The following BCL2 variants were observed in gnomAD, a reference collection of about 807,000 sequenced individuals.
The protein encoded by BCL2 is apoptosis regulator Bcl-2.
Under a neutral mutation model 14.2 loss-of-function variants are expected in BCL2, and 1 was observed. The ratio of observed to expected loss-of-function variants is 0.07; its 90% CI spans 0.02 to 0.33. The LOEUF (loss-of-function observed/expected upper bound fraction) is 0.33. Among genes scored for constraint, BCL2 ranks in the 10% least tolerant of loss-of-function variants. The pLI, the probability that BCL2 is intolerant of heterozygous loss-of-function variation, is 0.99. For missense variants in BCL2, 247 were observed against 305.9 expected (o/e 0.81, Z 1.44); for synonymous variants, 151 against 137.2 (o/e 1.10, Z -0.70).
At chr18:63,302,897 T>C in intron 2 of BCL2, 1 of 984,888 alleles carries the variant, frequency 1.0e-6, no homozygotes, top group Non-Finnish European at 1.2e-6. Context: ...GCCAAATGTA[T>C]CCAAATTAAA....
intron 2 of BCL2, among the ~76,000 whole-genome samples, chr18:63,219,944 C>T (rs1910339784): frequency 6.6e-6 from 1 of 152,130 alleles, no homozygotes; most frequent in Admixed American, 6.5e-5. Context: ...GAAAAGTAGG[C>T]TCAGAACTCC....
chr18:63,147,710 T>G (rs1245037906), intron 2 of BCL2, among the ~76,000 whole-genome samples: 1 of 152,222 alleles, frequency 6.6e-6, no homozygotes, highest in Non-Finnish European at 1.5e-5. Flanking sequence ...GAGATGATTT[T>G]ATGAAAAATT....
At chr18:63,135,520 G>T (rs1343969288) in intron 2 of BCL2, among the ~76,000 whole-genome samples, 1 of 152,054 alleles carries the variant, frequency 6.6e-6, no homozygotes, top group South Asian at 2.1e-4. Context: ...CTCACCTTTT[G>T]GCAGTGAACA....
intron 2 of BCL2, among the ~76,000 whole-genome samples, chr18:63,283,670 G>A (rs1279662832): frequency 1.3e-5 from 2 of 152,160 alleles, no homozygotes; most frequent in African/African-American, 2.4e-5. Flanking sequence ...GCAGGGCCTC[G>A]AGGTCTGTTA....
At chr18:63,193,361 A>T (rs187299796) in intron 2 of BCL2, among the ~76,000 whole-genome samples, 10 of 152,126 alleles carry the variant, frequency 6.6e-5, no homozygotes, top group Non-Finnish European at 1.3e-4. Context: ...CTTATTCTTT[A>T]TTCCTGTTGA....
At chr18:63,307,674 C>T (rs1913186067) in intron 2 of BCL2, among the ~76,000 whole-genome samples, 1 of 152,188 alleles carries the variant, frequency 6.6e-6, no homozygotes, top group African/African-American at 2.4e-5. Context: ...AATCTGGCAG[C>T]AGCACAGGGG....
intron 2 of BCL2, among the ~76,000 whole-genome samples, chr18:63,218,659 CCAT>C (rs1568237421): frequency 5.0e-4 from 26 of 52,250 alleles, no homozygotes; most frequent in Non-Finnish European, 5.7e-4. Context: ...CCACTCATCC[CCAT>C]CCTCCAGTCA....
intron 2 of BCL2, among the ~76,000 whole-genome samples, chr18:63,134,517 TC>T (rs1422847353): frequency 6.6e-6 from 1 of 152,126 alleles, no homozygotes; most frequent in East Asian, 1.9e-4. Flanking sequence ...GGCCCCGAGC[TC>T]AGTGTGTGTT....
chr18:63,165,272 A>G (rs914086031), intron 2 of BCL2, among the ~76,000 whole-genome samples: 1 of 152,136 alleles, frequency 6.6e-6, no homozygotes, highest in African/African-American at 2.4e-5. Context: ...AGGGCTGACA[A>G]CCATGGAGGG....
intron 2 of BCL2, among the ~76,000 whole-genome samples, chr18:63,198,521 GACACAGACACACATTGAC>G (rs1380665678): frequency 3.0e-5 from 3 of 99,876 alleles, no homozygotes; most frequent in Non-Finnish European, 6.1e-5. Flanking sequence ...GACACACATA[GACACAGACACACATTGAC>G]ACACAGACAC....
rs34498028 is a variant in BCL2, at chr18:63,189,189, T to TA, written c.586-60431dup. Among the ~76,000 whole-genome samples, 279 of 135,346 alleles carry TA rather than the reference T, an allele frequency of 2.1e-3. 2 individuals carry two copies. The East Asian group carries it at 0.023, about 11-fold the overall frequency. 88.8% of individuals were successfully genotyped at this position (135,346 alleles called of 152,430 possible). A position where few individuals can be genotyped will look rare whatever the true frequency, so the allele number is the denominator to read the frequency against. The stretch of plus-strand genomic sequence containing the variant: ...AATTTACCCTCCCATTAACAGCATA[T>TA]AAAAAAAAAAAAAAAAGAAAAAGAA... On this transcript the variant is annotated intron_variant, in intron 2 of 2. Transcript: ENST00000333681.
At chr18:63,132,931 G>A (rs1020220899) in intron 2 of BCL2, among the ~76,000 whole-genome samples, 1 of 152,232 alleles carries the variant, frequency 6.6e-6, no homozygotes, top group Non-Finnish European at 1.5e-5. Flanking sequence ...CCTTGCTCAT[G>A]TCAGGACTGG....
intron 2 of BCL2, among the ~76,000 whole-genome samples, chr18:63,263,099 TC>T (rs1911707852): frequency 1.3e-5 from 2 of 152,168 alleles, no homozygotes; most frequent in African/African-American, 4.8e-5. Context: ...ACTGTGCTCA[TC>T]AGGGAACCTC....
intron 2 of BCL2, among the ~76,000 whole-genome samples, chr18:63,136,167 C>T (rs1914202190): frequency 1.3e-5 from 2 of 152,194 alleles, no homozygotes; most frequent in Admixed American, 1.3e-4. Flanking sequence ...TCTTTTCTCT[C>T]TTTGACCAAT....
At chr18:63,243,974 T>G (rs184831607) in intron 2 of BCL2, among the ~76,000 whole-genome samples, 76 of 152,336 alleles carry the variant, frequency 5.0e-4, no homozygotes. Context: ...CCGGGTGCAG[T>G]GGCTCACGCC....
At chr18:63,301,257 T>A (rs1912953184) in intron 2 of BCL2, among the ~76,000 whole-genome samples, 1 of 152,030 alleles carries the variant, frequency 6.6e-6, no homozygotes, top group South Asian at 2.1e-4. Flanking sequence ...ATGGGTAGAG[T>A]TTCCATTTGG....
chr18:63,179,319 A>G (rs1251145034), intron 2 of BCL2, among the ~76,000 whole-genome samples: 1 of 152,164 alleles, frequency 6.6e-6, no homozygotes, highest in African/African-American at 2.4e-5. Flanking sequence ...AGAATTTGAG[A>G]CAGGCTGAGA....
chr18:63,198,818 G>GTGAC (rs1909567697), intron 2 of BCL2, among the ~76,000 whole-genome samples: 1 of 109,368 alleles, frequency 9.1e-6, no homozygotes, highest in Non-Finnish European at 1.8e-5. Flanking sequence ...GAGACACACA[G>GTGAC]ACACACAGAC....
At chr18:63,240,199 G>C (rs756985824) in intron 2 of BCL2, among the ~76,000 whole-genome samples, 23 of 152,010 alleles carry the variant, frequency 1.5e-4, no homozygotes, top group Non-Finnish European at 2.1e-4. Context: ...ACCTTGCCCA[G>C]GCTGGTCTTG....
Sources: gnomAD v4.1 joint callset for allele counts (sites outside exome capture counted in the v4.1 genomes callset) on GRCh38, gnomAD v4.1.1 for gene constraint, MANE v1.5 for transcripts, NCBI Gene and HGNC (gene_info 2026-07-23, HGNC 2026-07-21) for gene names.